Variants in DMD observed in about 807,000 individuals in gnomAD.
DMD encodes dystrophin.
In DMD, 63 loss-of-function variants were observed where a neutral mutation model predicts 330.1. The observed-to-expected ratio is 0.19, with a 90% CI of 0.16 to 0.24. The LOEUF (loss-of-function observed/expected upper bound fraction) is 0.24, where lower values mean the gene tolerates loss of function less well. DMD is among the 10% of genes least tolerant of loss of function. The pLI is 1.00. For synonymous variants in DMD, 1,223 were observed against 959.8 expected (o/e 1.27, Z -5.07); for missense variants, 3,344 against 2,684.1 (o/e 1.25, Z -5.43).
At chrX:32,706,417 G>A (rs2064667720) in intron 7 of DMD, among the ~76,000 whole-genome samples, 1 of 110,294 alleles carries the variant, frequency 9.1e-6, no homozygotes, top group Non-Finnish European at 1.9e-5. Flanking sequence ...AGCTGGGCAT[G>A]GTGATACACG....
intron 55 of DMD, among the ~76,000 whole-genome samples, chrX:31,567,691 T>C (rs189024827): frequency 2.0e-3 from 219 of 111,427 alleles, no homozygotes; most frequent in African/African-American, 6.6e-3. Context: ...AATCTAATGC[T>C]ATACATTTTA....
chrX:33,338,263 A>G lies in DMD; in HGVS notation c.7+996T>C, dbSNP rs748858539. Among the ~76,000 whole-genome samples the G allele has an allele frequency of 6.7e-4, 74 of 110,828 alleles. No homozygotes were observed. In the Admixed American group the frequency reaches 6.8e-3, roughly 10 times the overall value. Reference sequence around the variant, plus strand: ...GAAACGATGCATAGTTTATACAAAAAGCATAAATTGCTCCCCTTTCTCCAA... The same window carrying G: ...GAAACGATGCATAGTTTATACAAAAGGCATAAATTGCTCCCCTTTCTCCAA... On this transcript the variant is annotated intron_variant, in intron 1 of 17. Transcript: ENST00000288447.
chrX:31,594,918 C>T (rs766422339), intron 55 of DMD, among the ~76,000 whole-genome samples: 41 of 110,982 alleles, frequency 3.7e-4, no homozygotes, highest in Non-Finnish European at 6.1e-4. Flanking sequence ...CATTTTTGCA[C>T]GGTGGAAGAG....
intron 2 of DMD, among the ~76,000 whole-genome samples, chrX:32,863,973 G>A (rs2082288026): frequency 8.9e-6 from 1 of 112,054 alleles, no homozygotes; most frequent in Non-Finnish European, 1.9e-5. Context: ...ATGTCACATA[G>A]GATACAATAT....
chrX:32,214,673 A>ACTT (rs2097106137), intron 44 of DMD, among the ~76,000 whole-genome samples: 1 of 111,815 alleles, frequency 8.9e-6, no homozygotes, highest in Non-Finnish European at 1.9e-5. Flanking sequence ...GTAGCCCTAA[A>ACTT]CTTACACTGT....
At chrX:32,660,174 A>G (rs1049441360) in intron 9 of DMD, among the ~76,000 whole-genome samples, 1 of 111,034 alleles carries the variant, frequency 9.0e-6, no homozygotes, top group Non-Finnish European at 1.9e-5. Context: ...CAGAAAAATA[A>G]AAGTATGAAA....
intron 29 of DMD, among the ~76,000 whole-genome samples, chrX:32,419,365 C>A (rs2098180142): frequency 8.9e-6 from 1 of 111,985 alleles, no homozygotes; most frequent in Non-Finnish European, 1.9e-5. Context: ...GAAAGGAGGT[C>A]TCACACTGTG....
chrX:31,901,082 T>C (rs1320151705), intron 47 of DMD, among the ~76,000 whole-genome samples: 2 of 111,488 alleles, frequency 1.8e-5, no homozygotes, highest in Admixed American at 1.9e-4. Context: ...AACCATTTAC[T>C]GGGGGAAAAT....
Position 32,484,934 on chromosome X carries a change from T to C in DMD, c.2788A>G (p.Lys930Glu). 1 of 1,211,513 alleles carries C rather than the reference T, an allele frequency of 8.3e-7. No homozygotes were observed. The highest frequency in any genetic ancestry group is 1.1e-6 in the Non-Finnish European group (1 of 895,326). Reference protein sequence around the residue: ...QVFSDVQAREKELQTIFDTLP... With the variant: ...QVFSDVQAREEELQTIFDTLP... ...TTTTACTTACTTGTCTGTAGCTCTT[T>C]CTCTCTGGCCTGCACATCAGAAAAG... Residue 930 changes from lysine (K) to glutamate (E), a missense_variant, in exon 21 of 79, where the codon AAA becomes GAA. Transcript: ENST00000357033.
intron 2 of DMD, among the ~76,000 whole-genome samples, chrX:32,869,993 G>C (rs1235394204): frequency 9.0e-6 from 1 of 110,837 alleles, no homozygotes. Flanking sequence ...AGAAATCAAG[G>C]ATAAATAGGA....
At chrX:33,016,116 T>C (rs987105614) in intron 2 of DMD, among the ~76,000 whole-genome samples, 3 of 110,557 alleles carry the variant, frequency 2.7e-5, no homozygotes, top group Non-Finnish European at 5.7e-5. Flanking sequence ...AAAAGCTTTA[T>C]TGGGGGTCTG....
chrX:32,601,017 T>C (rs182055654), intron 12 of DMD, among the ~76,000 whole-genome samples: 104 of 111,531 alleles, frequency 9.3e-4, no homozygotes, highest in African/African-American at 3.2e-3. Context: ...TGTTAGGATT[T>C]CTTGGGAAAT....
At chrX:31,737,932 T>C (rs2086995147) in intron 51 of DMD, among the ~76,000 whole-genome samples, 1 of 111,715 alleles carries the variant, frequency 9.0e-6, no homozygotes, top group Admixed American at 9.5e-5. Context: ...GAGCCTGGAA[T>C]TCTTTACAAA....
chrX:32,857,216 T>A (rs773580844), intron 2 of DMD, among the ~76,000 whole-genome samples: 2 of 112,693 alleles, frequency 1.8e-5, no homozygotes, highest in East Asian at 5.6e-4. Context: ...CTAAATATAC[T>A]ATGTATCCAT....
At chrX:32,973,019 C>G (rs1028382289) in intron 2 of DMD, among the ~76,000 whole-genome samples, 1 of 111,654 alleles carries the variant, frequency 9.0e-6, no homozygotes. Context: ...ATAATAAGAG[C>G]TATATAATGT....
At chrX:32,546,236 T>C (rs1165262256) in intron 16 of DMD, among the ~76,000 whole-genome samples, 1 of 106,094 alleles carries the variant, frequency 9.4e-6, no homozygotes, top group Middle Eastern at 4.7e-3. Flanking sequence ...GCTCCTCTCA[T>C]GACGATTGTA....
chrX:31,606,947 G>A (rs2077642263), intron 55 of DMD, among the ~76,000 whole-genome samples: 1 of 112,042 alleles, frequency 8.9e-6, no homozygotes, highest in African/African-American at 3.2e-5. Flanking sequence ...TTCTCAATCA[G>A]CTGTGCAGAC....
chrX:32,124,329 G>A (rs1200198989), intron 44 of DMD, among the ~76,000 whole-genome samples: 1 of 111,988 alleles, frequency 8.9e-6, no homozygotes, highest in Non-Finnish European at 1.9e-5. Context: ...ACCATGATTC[G>A]GACCAACGTT....
intron 1 of DMD, among the ~76,000 whole-genome samples, chrX:33,269,716 T>G (rs1363594637): frequency 9.0e-6 from 1 of 111,194 alleles, no homozygotes; most frequent in Non-Finnish European, 1.9e-5. Context: ...GTGGTTTGTT[T>G]AGTAGTAGAT....
Sources: gnomAD v4.1 joint callset for allele counts (sites outside exome capture counted in the v4.1 genomes callset) on GRCh38, gnomAD v4.1.1 for gene constraint, MANE v1.5 for transcripts, NCBI Gene and HGNC (gene_info 2026-07-23, HGNC 2026-07-21) for gene names.